UBE2W: variants seen among roughly 807,000 people sequenced by gnomAD.
UBE2W encodes the protein ubiquitin-conjugating enzyme E2 W.
Under a neutral mutation model 27.2 loss-of-function variants are expected in UBE2W, and 18 were observed. The observed-to-expected ratio is 0.66, with a 90% CI of 0.46 to 0.98. The LOEUF (loss-of-function observed/expected upper bound fraction) is 0.98, where lower values mean the gene tolerates loss of function less well. Among genes scored for constraint, UBE2W ranks in the 50% least tolerant of loss-of-function variants. The pLI, the probability that UBE2W is intolerant of heterozygous loss-of-function variation, is 0.00. For synonymous variants in UBE2W, 53 were observed against 57.2 expected (o/e 0.93, Z 0.33); for missense variants, 90 against 180.2 (o/e 0.50, Z 2.87).
intron 1 of UBE2W, among the ~76,000 whole-genome samples, chr8:73,867,871 T>C (rs1811846171): frequency 6.6e-6 from 1 of 152,128 alleles, no homozygotes; most frequent in Non-Finnish European, 1.5e-5. Flanking sequence ...TAGGATGCTA[T>C]CATCAAAAAA....
At chr8:73,786,032 C>G (rs57470108), downstream of UBE2W, among the ~76,000 whole-genome samples, 1 of 152,292 alleles carries the variant, frequency 6.6e-6, no homozygotes, top group East Asian at 1.9e-4. Flanking sequence ...ATCTGCCATC[C>G]TTCTTGGCAT....
chr8:73,877,827 G>A (rs1302685802), intron 1 of UBE2W, among the ~76,000 whole-genome samples: 1 of 148,020 alleles, frequency 6.8e-6, no homozygotes, highest in Non-Finnish European at 1.5e-5. Flanking sequence ...AATTGTGGTT[G>A]CCATCTTTGC....
chr8:73,858,982 G>A (rs1346797807), intron 1 of UBE2W, among the ~76,000 whole-genome samples: 43 of 6,486 alleles, frequency 6.6e-3, no homozygotes, highest in Admixed American at 0.021. Context: ...GTTTTTGCGT[G>A]TGTGTGTGTG....
At chr8:73,805,472 C>CAAAAAAAAAAAAAAAAACAAACAAAAA in intron 5 of UBE2W, among the ~76,000 whole-genome samples, 179 bp downstream of exon 5, 1 of 43,674 alleles carries the variant, frequency 2.3e-5, no homozygotes, top group African/African-American at 6.0e-5. Context: ...AAAAAAAAAA[C>CAAAAAAAAAAAAAAAAACAAACAAAAA]AAAAAAAACT....
rs1381645401 is a variant in UBE2W at position 73,829,785 on chromosome 8, C to A, written c.107+596G>T. The stretch of plus-strand genomic sequence containing the variant: ...TATTTGAATTGGCTCATTTGTCCTA[C>A]AAGTTGGTTTACAATCAATTTTTAT... On this transcript the variant is annotated intron_variant, in intron 2 of 5. Coordinates refer to ENST00000602593, the MANE Select transcript of UBE2W (RefSeq NM_018299.6). Among the ~76,000 whole-genome samples, 3 of 152,256 alleles carry A rather than the reference C, an allele frequency of 2.0e-5. No individual in the cohort carries two copies. In the South Asian group the frequency reaches 6.2e-4, roughly 32 times the overall value.
intron 1 of UBE2W, among the ~76,000 whole-genome samples, chr8:73,836,849 A>G (rs1046881366): frequency 7.2e-5 from 11 of 152,208 alleles, no homozygotes; most frequent in African/African-American, 2.7e-4. Flanking sequence ...AGTGGTAGGG[A>G]AAATGGCAGC....
intron 3 of UBE2W, among the ~76,000 whole-genome samples, chr8:73,820,351 G>A (rs1013317587): frequency 2.0e-5 from 3 of 152,180 alleles, no homozygotes; most frequent in East Asian, 1.9e-4. Flanking sequence ...AAATTTTAAC[G>A]TATTACTGGC....
chr8:73,864,895 C>A (rs55746838), intron 1 of UBE2W, among the ~76,000 whole-genome samples: 2,281 of 152,098 alleles, frequency 0.015, 22 homozygotes, highest in Non-Finnish European at 0.023. Context: ...AGCCACCATG[C>A]CTGGCCTCTT....
downstream of UBE2W, among the ~76,000 whole-genome samples, chr8:73,781,929 C>CTTTT (rs71269945): frequency 3.6e-4 from 35 of 96,006 alleles, no homozygotes; most frequent in African/African-American, 1.1e-3. Context: ...TAAAAGCCTC[C>CTTTT]TTTTTTTTTT....
chr8:73,810,636 G>C lies in UBE2W; in HGVS notation c.211-7C>G, dbSNP rs543737302. The C allele has an allele frequency of 7.3e-5, 113 of 1,547,528 alleles. No individual in the cohort carries two copies. Among genetic ancestry groups the C allele is most frequent in the Non-Finnish European group, 7.1e-5 (82 of 1,151,006 alleles). On this transcript the variant is annotated splice_polypyrimidine_tract_variant and splice_region_variant and intron_variant, in intron 3 of 5. Transcript: ENST00000602593. ...TTTCACCAGTAAACATGACCTAAGA[G>C]AGAATAAAATTCCATTAAAACTCAA...
intron 1 of UBE2W, among the ~76,000 whole-genome samples, chr8:73,865,714 ATATATTTT>A (rs1458320565): frequency 3.9e-5 from 6 of 152,186 alleles, no homozygotes; most frequent in African/African-American, 1.4e-4. Context: ...AGATCTCTCT[ATATATTTT>A]TAAAACCTAT....
intron 1 of UBE2W, among the ~76,000 whole-genome samples, chr8:73,868,764 G>C (rs746936694): frequency 6.6e-6 from 1 of 151,528 alleles, no homozygotes; most frequent in South Asian, 2.1e-4. Context: ...TGTTGTGGGC[G>C]AGTACATAAG....
chr8:73,805,508 T>G (rs1323571528), intron 5 of UBE2W, 143 bp downstream of exon 5: 1 of 218,634 alleles, frequency 4.6e-6, no homozygotes, highest in Admixed American at 6.9e-5. Context: ...TTAAATATAT[T>G]AGAATATTTT....
chr8:73,850,202 AAATAT>A (rs1229816656), intron 1 of UBE2W, among the ~76,000 whole-genome samples: 1 of 152,248 alleles, frequency 6.6e-6, no homozygotes, highest in Non-Finnish European at 1.5e-5. Context: ...TTAGCTAAGG[AAATAT>A]AATAGAACCA....
At chr8:73,861,887 T>C (rs1401374214) in intron 1 of UBE2W, among the ~76,000 whole-genome samples, 1 of 152,204 alleles carries the variant, frequency 6.6e-6, no homozygotes, top group Non-Finnish European at 1.5e-5. Context: ...AGTCAATAAG[T>C]GCTCAGATAT....
At chr8:73,867,658 C>G (rs34011947) in intron 1 of UBE2W, among the ~76,000 whole-genome samples, 19,206 of 150,916 alleles carry the variant, frequency 0.13, 1,378 homozygotes, top group Middle Eastern at 0.18. Flanking sequence ...TTTCAGTGAG[C>G]CAAGATCATG....
intron 1 of UBE2W, among the ~76,000 whole-genome samples, chr8:73,846,067 A>G (rs1038354398): frequency 2.6e-5 from 4 of 152,184 alleles, no homozygotes; most frequent in African/African-American, 9.7e-5. Context: ...ACAATGAATA[A>G]AACAATACAG....
intron 1 of UBE2W, among the ~76,000 whole-genome samples, chr8:73,837,513 TA>T (rs879465547): frequency 1.5e-3 from 217 of 145,602 alleles, no homozygotes; most frequent in Middle Eastern, 3.6e-3. Context: ...ACTCTTGTCT[TA>T]AAAAAAAAAA....
chr8:73,842,759 T>C (rs1810599576), intron 1 of UBE2W, among the ~76,000 whole-genome samples: 1 of 152,130 alleles, frequency 6.6e-6, no homozygotes. Context: ...AAAGAGGACA[T>C]ACTGTTTGCA....
Sources: allele counts gnomAD v4.1 joint callset (sites outside exome capture counted in the v4.1 genomes callset), GRCh38; gene constraint gnomAD v4.1.1; transcripts MANE v1.5; gene names NCBI Gene and HGNC (gene_info 2026-07-23, HGNC 2026-07-21).